Variants in ENPP2 observed in about 807,000 individuals in gnomAD.
ENPP2 encodes ectonucleotide pyrophosphatase/phosphodiesterase 2.
A neutral mutation model predicts 120.2 loss-of-function variants in ENPP2; 51 were observed. The observed-to-expected ratio is 0.42, with a 90% confidence interval of 0.34 to 0.54. ENPP2 has a LOEUF of 0.54. ENPP2 is among the 20% of genes least tolerant of loss of function. The pLI is 0.04. For synonymous variants in ENPP2, 365 were observed against 366.4 expected (o/e 1.00, Z 0.04); for missense variants, 920 against 1,066.5 (o/e 0.86, Z 1.91).
At chr8:119,599,618 T>C (rs573254518) in intron 11 of ENPP2, among the ~76,000 whole-genome samples, 5 of 152,226 alleles carry the variant, frequency 3.3e-5, no homozygotes, top group Non-Finnish European at 5.9e-5. Flanking sequence ...GGAACATTTC[T>C]AACCATTCCT....
chr8:119,673,011 C>T (rs895055174), intron 1 of ENPP2, among the ~76,000 whole-genome samples: 19 of 152,150 alleles, frequency 1.2e-4, no homozygotes, highest in Admixed American at 6.5e-4. Flanking sequence ...TTTCCAGAAA[C>T]CAGAGACAAA....
rs559931768 is a variant in ENPP2 at position 119,638,630 on chromosome 8, C to T, written c.34-103G>A. 9 of 998,566 alleles carry T rather than the reference C, an allele frequency of 9.0e-6. No individual in the cohort carries two copies. In the South Asian group the frequency reaches 1.0e-4, roughly 11 times the overall value. 61.9% of individuals were successfully genotyped at this position (998,566 alleles called of 1,614,324 possible). A position where few individuals can be genotyped will look rare whatever the true frequency, so the allele number is the denominator to read the frequency against. ...GCTTCAATATCAACACCCAATCCTA[C>T]CACTTCCAAAATGCATAATAAGGTG... On this transcript the variant is annotated intron_variant, in intron 1 of 24. Coordinates refer to ENST00000075322, the MANE Select transcript of ENPP2 (RefSeq NM_001040092.3).
At chr8:119,558,345 TCA>T (rs1813639846) in intron 24 of ENPP2, among the ~76,000 whole-genome samples, 3 of 152,170 alleles carry the variant, frequency 2.0e-5, no homozygotes, top group African/African-American at 7.2e-5. Context: ...TTTTGAGGCC[TCA>T]GTTTCTTCCT....
intron 2 of ENPP2, among the ~76,000 whole-genome samples, chr8:119,633,221 C>T (rs866291418): frequency 3.3e-5 from 5 of 152,146 alleles, no homozygotes; most frequent in African/African-American, 1.2e-4. Context: ...AAATGTCCCC[C>T]GTAAAGATGC....
chr8:119,623,568 T>C (rs948076788), intron 3 of ENPP2, among the ~76,000 whole-genome samples: 15 of 152,194 alleles, frequency 9.9e-5, no homozygotes, highest in Non-Finnish European at 7.3e-5. Context: ...TACTATTTAA[T>C]TTTTATTCTT....
intron 11 of ENPP2, among the ~76,000 whole-genome samples, chr8:119,594,798 C>T (rs1490993520): frequency 3.3e-5 from 5 of 151,716 alleles, no homozygotes; most frequent in Admixed American, 6.5e-5. Context: ...CATAAATATA[C>T]CCAAGATGAT....
At chr8:119,606,389 G>T (rs118128498) in intron 9 of ENPP2, among the ~76,000 whole-genome samples, 4 of 152,262 alleles carry the variant, frequency 2.6e-5, no homozygotes, top group Non-Finnish European at 4.4e-5. Flanking sequence ...GGGGGGCAAA[G>T]GTGGGGACTC....
At position 119,617,199 on chromosome 8, in the gene ENPP2, T is replaced by C. The variant is rs1337935868; in HGVS notation, c.622A>G (p.Thr208Ala). 6.2e-7 allele frequency: 1 copy of C among 1,613,776 alleles called. No homozygotes were observed. The change falls in exon 7 of 25, where the codon ACT becomes GCT. Residue 208 changes from threonine to alanine, a missense_variant. By Grantham distance (58) the Thr-to-Ala change is moderately conservative (BLOSUM62 0). Coordinates refer to ENST00000075322, the MANE Select transcript of ENPP2 (RefSeq NM_001040092.3). ...HSPYMRPVYP[T>A]KTFPNLYTLA... ...GTGTATAAGTTAGGAAAGGTTTTAG[T>C]TGGGTACACCGGCCTCATGTAGGGA... is the stretch of plus-strand genomic sequence containing the variant.
chr8:119,564,989 T>C (rs199749494), intron 22 of ENPP2, 34 bp from the exon 23 acceptor site: 33 of 1,600,972 alleles, frequency 2.1e-5, no homozygotes, highest in Middle Eastern at 1.7e-4. Flanking sequence ...AATCAATTAT[T>C]CATGAAGAAA....
intron 1 of ENPP2, among the ~76,000 whole-genome samples, chr8:119,653,361 C>A (rs1360627553): frequency 6.6e-6 from 1 of 152,154 alleles, no homozygotes; most frequent in Non-Finnish European, 1.5e-5. Flanking sequence ...CGTCAAGTAG[C>A]TGATAAACGA....
At chr8:119,568,590 G>A (rs1327534927) in intron 21 of ENPP2, among the ~76,000 whole-genome samples, 1 of 151,754 alleles carries the variant, frequency 6.6e-6, no homozygotes, top group Admixed American at 6.6e-5. Flanking sequence ...AATGAGAGAT[G>A]GTTTAAGGGC....
intron 24 of ENPP2, among the ~76,000 whole-genome samples, chr8:119,561,244 C>T (rs1031145338): frequency 1.3e-5 from 2 of 152,186 alleles, no homozygotes; most frequent in Admixed American, 1.3e-4. Flanking sequence ...GCCCACAAAG[C>T]TGATCATCTC....
intron 1 of ENPP2, among the ~76,000 whole-genome samples, chr8:119,658,583 T>C (rs1270263871): frequency 6.6e-6 from 1 of 152,120 alleles, no homozygotes. Context: ...TCCTCCTATT[T>C]CTCCACCTCT....
chr8:119,654,331 T>G (rs192183297), intron 1 of ENPP2, among the ~76,000 whole-genome samples: 1,490 of 142,826 alleles, frequency 0.01, 31 homozygotes, highest in African/African-American at 0.036. Context: ...TAATTATATA[T>G]AGAGATATAT....
At chr8:119,569,815 T>A (rs1219791770) in intron 20 of ENPP2, among the ~76,000 whole-genome samples, 11 of 150,608 alleles carry the variant, frequency 7.3e-5, no homozygotes, top group African/African-American at 2.7e-4. Flanking sequence ...ACAGTACAAA[T>A]CAAAATAAAC....
At chr8:119,663,571 G>T (rs1359268584) in intron 1 of ENPP2, among the ~76,000 whole-genome samples, 1 of 152,088 alleles carries the variant, frequency 6.6e-6, no homozygotes, top group Admixed American at 6.5e-5. Flanking sequence ...CACCATCTGG[G>T]AACCACTGGT....
chr8:119,608,637 A>C (rs1814887876), intron 8 of ENPP2, among the ~76,000 whole-genome samples: 1 of 152,222 alleles, frequency 6.6e-6, no homozygotes, highest in Admixed American at 6.5e-5. Flanking sequence ...AGGAGTTTAG[A>C]ACCTGGGCTC....
intron 24 of ENPP2, among the ~76,000 whole-genome samples, chr8:119,558,647 T>C (rs1158416107): frequency 6.6e-6 from 1 of 152,132 alleles, no homozygotes; most frequent in Non-Finnish European, 1.5e-5. Flanking sequence ...TTGTGGGAAG[T>C]TGAGGGAAAG....
chr8:119,563,751 A>C (rs1457359301), intron 23 of ENPP2, among the ~76,000 whole-genome samples: 1 of 152,150 alleles, frequency 6.6e-6, no homozygotes, highest in Non-Finnish European at 1.5e-5. Flanking sequence ...TTTGGCTAAC[A>C]GTGATCAGCA....
Sources: allele counts gnomAD v4.1 joint callset (sites outside exome capture counted in the v4.1 genomes callset), GRCh38; gene constraint gnomAD v4.1.1; transcripts MANE v1.5; gene names NCBI Gene and HGNC (gene_info 2026-07-23, HGNC 2026-07-21).